The following ASIC2 variants were observed in gnomAD, a reference collection of about 807,000 sequenced individuals.
The protein encoded by ASIC2 is acid sensing ion channel subunit 2, also known as acid-sensing ion channel 2.
A neutral mutation model predicts 57.3 loss-of-function variants in ASIC2; 25 were observed. That is an observed-to-expected ratio of 0.44 (90% confidence interval 0.32 to 0.61). The LOEUF is 0.61. ASIC2 is among the 20% of genes least tolerant of loss of function. The probability of loss-of-function intolerance (pLI) is 0.06; values close to 1 mark genes in which losing one functional copy is unlikely to be tolerated. For missense variants in ASIC2, 641 were observed against 738.1 expected (o/e 0.87, Z 1.52); for synonymous variants, 319 against 307.5 (o/e 1.04, Z -0.39).
chr17:33,648,723 C>T (rs973495760), intron 1 of ASIC2, among the ~76,000 whole-genome samples: 1 of 152,228 alleles, frequency 6.6e-6, no homozygotes, highest in African/African-American at 2.4e-5. Flanking sequence ...TCAGTCTTTG[C>T]ACTTGAGCTT....
intron 1 of ASIC2, among the ~76,000 whole-genome samples, chr17:33,285,926 C>T (rs1905149243): frequency 1.3e-5 from 2 of 152,310 alleles, no homozygotes; most frequent in Non-Finnish European, 2.9e-5. Flanking sequence ...AAATTCTCAC[C>T]GCAAGTCATA....
At chr17:33,833,818 GCCAAAGT>G (rs1913188906) in intron 1 of ASIC2, 1 of 152,264 alleles carries the variant, frequency 6.6e-6, no homozygotes, top group African/African-American at 2.4e-5. Flanking sequence ...ACTTTAGGTG[GCCAAAGT>G]GGGAGGATCG....
chr17:33,349,148 ATTG>A (rs1053826515), intron 1 of ASIC2, among the ~76,000 whole-genome samples: 18 of 152,262 alleles, frequency 1.2e-4, no homozygotes, highest in African/African-American at 3.6e-4. Context: ...ACCTGTACCT[ATTG>A]TTGTCATATG....
intron 2 of ASIC2, among the ~76,000 whole-genome samples, chr17:33,108,410 C>G (rs533301725): frequency 6.6e-6 from 1 of 152,108 alleles, no homozygotes; most frequent in East Asian, 1.9e-4. Flanking sequence ...TCTGTGGGGC[C>G]GCATGGTTTG....
At chr17:33,809,009 C>T (rs1912345065) in intron 1 of ASIC2, among the ~76,000 whole-genome samples, 1 of 152,218 alleles carries the variant, frequency 6.6e-6, no homozygotes, top group Admixed American at 6.5e-5. Context: ...CTCAGTCATC[C>T]TCTTCCACTC....
At chr17:33,453,770 C>G (rs187538391) in intron 1 of ASIC2, among the ~76,000 whole-genome samples, 14 of 152,218 alleles carry the variant, frequency 9.2e-5, no homozygotes, top group African/African-American at 3.1e-4. Context: ...TTCTTTGCTC[C>G]TTTGTAATTC....
chr17:33,373,201 C>T (rs915441056), intron 1 of ASIC2, among the ~76,000 whole-genome samples: 7 of 152,180 alleles, frequency 4.6e-5, no homozygotes, highest in African/African-American at 1.4e-4. Context: ...AGCATGTAAT[C>T]GACCTGGTCA....
chr17:33,912,608 G>C (rs1915492073), intron 1 of ASIC2, among the ~76,000 whole-genome samples: 1 of 152,150 alleles, frequency 6.6e-6, no homozygotes, highest in Admixed American at 6.5e-5. Flanking sequence ...GGGGAGTCCT[G>C]TGTGAAACCT....
chr17:34,090,271 A>G (rs1910278480), intron 1 of ASIC2, among the ~76,000 whole-genome samples: 1 of 152,224 alleles, frequency 6.6e-6, no homozygotes, highest in Non-Finnish European at 1.5e-5. Flanking sequence ...ATGTGCCCAC[A>G]CATTCCCAAA....
At chr17:33,661,110 C>T (rs1371159707) in intron 1 of ASIC2, among the ~76,000 whole-genome samples, 1 of 152,200 alleles carries the variant, frequency 6.6e-6, no homozygotes, top group African/African-American at 2.4e-5. Context: ...TCCACTCCCT[C>T]TGCCCCCGCT....
chr17:33,240,278 TC>T (rs1908451949), intron 1 of ASIC2, among the ~76,000 whole-genome samples: 1 of 151,804 alleles, frequency 6.6e-6, no homozygotes, highest in Admixed American at 6.6e-5. Context: ...AAGATGGAGG[TC>T]CCAGGCCAGA....
At chr17:33,491,652 G>A (rs576158315) in intron 1 of ASIC2, among the ~76,000 whole-genome samples, 1 of 152,144 alleles carries the variant, frequency 6.6e-6, no homozygotes. Flanking sequence ...ATTCTGGGAG[G>A]CCAGGCCCCT....
intron 1 of ASIC2, among the ~76,000 whole-genome samples, chr17:33,996,373 GT>G (rs1238161387): frequency 6.6e-6 from 1 of 151,994 alleles, no homozygotes; most frequent in Non-Finnish European, 1.5e-5. Context: ...CGTTTGTCTA[GT>G]TTTGCTTTTG....
At chr17:33,946,211 T>G (rs1209042480) in intron 1 of ASIC2, among the ~76,000 whole-genome samples, 2 of 152,148 alleles carry the variant, frequency 1.3e-5, no homozygotes, top group African/African-American at 4.8e-5. Flanking sequence ...AAACTCTTAT[T>G]TGGAGATACT....
chr17:33,059,356 TG>T, intron 3 of ASIC2, among the ~76,000 whole-genome samples: 1 of 152,268 alleles, frequency 6.6e-6, no homozygotes, highest in East Asian at 1.9e-4. Context: ...CCCCTTCCTG[TG>T]TCCAAGTGTT....
At chr17:33,622,120 T>G (rs1190932712) in intron 1 of ASIC2, among the ~76,000 whole-genome samples, 1 of 151,978 alleles carries the variant, frequency 6.6e-6, no homozygotes, top group Admixed American at 6.6e-5. Context: ...ACTAGGTGCC[T>G]GGCACTGTGC....
At chr17:33,088,815 G>GT in intron 3 of ASIC2, 48 bp downstream of exon 3, 1 of 1,555,004 alleles carries the variant, frequency 6.4e-7, no homozygotes. Context: ...TCTGCAGGGG[G>GT]TCGGGGGAGG....
chr17:33,777,654 G>A (rs945174816), intron 1 of ASIC2, among the ~76,000 whole-genome samples: 2 of 152,130 alleles, frequency 1.3e-5, no homozygotes, highest in East Asian at 1.9e-4. Flanking sequence ...CCTGCTGTGC[G>A]GTAACTGAAG....
At chr17:33,815,611 C>T (rs1161048538) in intron 1 of ASIC2, among the ~76,000 whole-genome samples, 1 of 152,152 alleles carries the variant, frequency 6.6e-6, no homozygotes, top group Non-Finnish European at 1.5e-5. Flanking sequence ...GCTGGTGGTA[C>T]TGTTCTGCTC....
Sources: gnomAD v4.1 joint callset for allele counts (sites outside exome capture counted in the v4.1 genomes callset) on GRCh38, gnomAD v4.1.1 for gene constraint, MANE v1.5 for transcripts, NCBI Gene and HGNC (gene_info 2026-07-23, HGNC 2026-07-21) for gene names.